ASIC2: variants seen among roughly 807,000 people sequenced by gnomAD.
The protein encoded by ASIC2 is acid sensing ion channel subunit 2.
Under a neutral mutation model 57.3 loss-of-function variants are expected in ASIC2, and 25 were observed. The observed-to-expected ratio is 0.44, with a 90% CI of 0.32 to 0.61. The LOEUF (loss-of-function observed/expected upper bound fraction) is 0.61. Among genes scored for constraint, ASIC2 ranks in the 20% least tolerant of loss-of-function variants. The pLI is 0.06. For missense variants in ASIC2, 641 were observed against 738.1 expected (o/e 0.87, Z 1.52); for synonymous variants, 319 against 307.5 (o/e 1.04, Z -0.39).
chr17:34,124,903 A>C (rs1054754363), intron 1 of ASIC2, among the ~76,000 whole-genome samples: 3 of 151,632 alleles, frequency 2.0e-5, no homozygotes, highest in Non-Finnish European at 2.9e-5. Flanking sequence ...TCAAGATACA[A>C]ATTTTGGGGG....
intron 1 of ASIC2, among the ~76,000 whole-genome samples, chr17:33,479,661 C>T (rs1913339334): frequency 6.6e-6 from 1 of 152,210 alleles, no homozygotes; most frequent in South Asian, 2.1e-4. Flanking sequence ...GCAGTCAAAG[C>T]CCTGGGCATA....
intron 1 of ASIC2, among the ~76,000 whole-genome samples, chr17:33,667,742 T>C (rs1407393186): frequency 1.3e-5 from 2 of 152,208 alleles, no homozygotes; most frequent in African/African-American, 4.8e-5. Flanking sequence ...ACCTTCTTCT[T>C]ACTCAGCTGA....
intron 1 of ASIC2, among the ~76,000 whole-genome samples, chr17:34,110,270 T>C (rs1911222276): frequency 6.6e-6 from 1 of 152,170 alleles, no homozygotes; most frequent in South Asian, 2.1e-4. Context: ...AGCAACCACT[T>C]TTTTCTCTCT....
At chr17:33,082,700 AAAAAT>A (rs1306247603) in intron 3 of ASIC2, among the ~76,000 whole-genome samples, 2 of 130,526 alleles carry the variant, frequency 1.5e-5, no homozygotes, top group Non-Finnish European at 3.2e-5. Context: ...CTCTGTCTCC[AAAAAT>A]AAATAAATAA....
intron 1 of ASIC2, among the ~76,000 whole-genome samples, chr17:33,313,811 C>T (rs959688663): frequency 8.5e-5 from 13 of 152,126 alleles, no homozygotes; most frequent in Non-Finnish European, 1.5e-5. Context: ...ACTTCCGTAT[C>T]CGGACTAGAA....
intron 1 of ASIC2, among the ~76,000 whole-genome samples, chr17:33,976,239 A>C: frequency 6.6e-6 from 1 of 151,888 alleles, no homozygotes; most frequent in Non-Finnish European, 1.5e-5. Flanking sequence ...TGATTCATCT[A>C]AAGGTGCTTT....
At chr17:33,456,515 G>T (rs139758318) in intron 1 of ASIC2, among the ~76,000 whole-genome samples, 1 of 152,324 alleles carries the variant, frequency 6.6e-6, no homozygotes, top group African/African-American at 2.4e-5. Flanking sequence ...ACTGGGTAGT[G>T]ACTACTGATA....
intron 3 of ASIC2, among the ~76,000 whole-genome samples, chr17:33,045,921 T>C (rs891216709): frequency 1.2e-4 from 18 of 152,212 alleles, no homozygotes; most frequent in African/African-American, 4.3e-4. Context: ...TCTATGTGAA[T>C]TGGACTATCT....
intron 1 of ASIC2, among the ~76,000 whole-genome samples, chr17:33,346,428 G>A (rs973091406): frequency 6.6e-6 from 1 of 152,024 alleles, no homozygotes; most frequent in African/African-American, 2.4e-5. Context: ...TAACAGTGGT[G>A]GTATTTTCTG....
chr17:33,664,201 C>G (rs1053593504), intron 1 of ASIC2, among the ~76,000 whole-genome samples: 7 of 152,148 alleles, frequency 4.6e-5, no homozygotes, highest in African/African-American at 1.4e-4. Context: ...TGCTTGCTTC[C>G]TGTATCTAGA....
At chr17:33,894,645 T>C (rs1915047487) in intron 1 of ASIC2, among the ~76,000 whole-genome samples, 1 of 152,158 alleles carries the variant, frequency 6.6e-6, no homozygotes, top group Non-Finnish European at 1.5e-5. Context: ...TATCCTCACC[T>C]GCAAAATGAG....
intron 1 of ASIC2, among the ~76,000 whole-genome samples, chr17:33,555,174 C>A (rs575335488): frequency 6.6e-6 from 1 of 152,258 alleles, no homozygotes; most frequent in Admixed American, 6.5e-5. Context: ...TGGTCCGTGG[C>A]TACCTAACCT....
At chr17:33,742,382 A>G (rs1411921688) in intron 1 of ASIC2, among the ~76,000 whole-genome samples, 1 of 152,020 alleles carries the variant, frequency 6.6e-6, no homozygotes, top group Non-Finnish European at 1.5e-5. Flanking sequence ...ACTTATCCTT[A>G]AGTTGAAGCA....
At chr17:34,132,233 G>T (rs1176579111) in intron 1 of ASIC2, among the ~76,000 whole-genome samples, 1 of 152,108 alleles carries the variant, frequency 6.6e-6, no homozygotes, top group South Asian at 2.1e-4. Flanking sequence ...TCGTGGTGTC[G>T]CTGACTTCAA....
chr17:34,116,980 AGTATGTG>A (rs1911444627), intron 1 of ASIC2, among the ~76,000 whole-genome samples: 1 of 152,024 alleles, frequency 6.6e-6, no homozygotes, highest in African/African-American at 2.4e-5. Context: ...TGTAGCATGT[AGTATGTG>A]TGTGGTGCAT....
At position 33,413,092 on chromosome 17, in the gene ASIC2, T is replaced by C. The variant is rs1466834023; in HGVS notation, c.556-301025A>G. Among the ~76,000 whole-genome samples, 3 of 152,064 alleles carry C rather than the reference T, an allele frequency of 2.0e-5. No homozygotes were observed. The East Asian group carries it at 5.8e-4, about 29-fold the overall frequency. On this transcript the variant is annotated intron_variant, in intron 1 of 9. Transcript: ENST00000359872. ...GCAGGGTTCTCCAGAGATGGGGGCA[T>C]AGGGGGTGCCATTGAGGAGCATCAC...
At chr17:33,977,875 C>T (rs1905453200) in intron 1 of ASIC2, among the ~76,000 whole-genome samples, 1 of 152,184 alleles carries the variant, frequency 6.6e-6, no homozygotes, top group South Asian at 2.1e-4. Context: ...GAATTTGGGG[C>T]CAGCGGTCTT....
chr17:33,932,741 A>AAAT (rs1555572867), intron 1 of ASIC2: 7 of 58,718 alleles, frequency 1.2e-4, no homozygotes, highest in African/African-American at 3.4e-4. Flanking sequence ...AAAAAAAAAA[A>AAAT]ATATATATAT....
At chr17:33,220,290 T>A (rs958934596) in intron 1 of ASIC2, among the ~76,000 whole-genome samples, 6 of 152,226 alleles carry the variant, frequency 3.9e-5, no homozygotes, top group Admixed American at 3.9e-4. Context: ...AAGGCCTTCC[T>A]TCTATTGACA....
Sources: allele counts gnomAD v4.1 joint callset (sites outside exome capture counted in the v4.1 genomes callset), GRCh38; gene constraint gnomAD v4.1.1; transcripts MANE v1.5; gene names NCBI Gene and HGNC (gene_info 2026-07-23, HGNC 2026-07-21).